The following MCM8 variants were observed in gnomAD, a reference collection of about 807,000 sequenced individuals.
MCM8 encodes the protein minichromosome maintenance 8 homologous recombination repair factor.
In MCM8, 85 loss-of-function variants were observed where a neutral mutation model predicts 98.9. The observed-to-expected ratio is 0.86, with a 90% CI of 0.72 to 1.03. MCM8 has a LOEUF of 1.03. Ranked by LOEUF, MCM8 falls within the 50% of genes least tolerant of loss-of-function variation. MCM8 has a pLI of 0.00. For synonymous variants in MCM8, 352 were observed against 338.6 expected (o/e 1.04, Z -0.44); for missense variants, 951 against 997.8 (o/e 0.95, Z 0.63).
intron 3 of MCM8, among the ~76,000 whole-genome samples, chr20:5,952,883 A>T (rs1473608637): frequency 6.6e-6 from 1 of 152,244 alleles, no homozygotes; most frequent in Non-Finnish European, 1.5e-5. Flanking sequence ...TTCTGAGGTT[A>T]CCAGAATGTG....
At position 5,983,152 on chromosome 20, in the gene MCM8, T is replaced by G; in HGVS notation, c.1720T>G (p.Ser574Ala). The G allele has an allele frequency of 6.2e-7, 1 of 1,611,000 alleles. No homozygotes were observed. The highest frequency in any genetic ancestry group is 8.5e-7 in the Non-Finnish European group (1 of 1,178,742). The change falls in exon 14 of 19, where the codon TCT becomes GCT. Residue 574 changes from serine to alanine, a missense_variant. Ser to Ala is a moderately conservative substitution (Grantham distance 99). Transcript: ENST00000610722. ...ACATTACAATAAAGCCAAAACAGTT[T>G]CTGAGAATTTAAAGTAAGTCTCTTC... ...GGHYNKAKTV[S>A]ENLKMGSALL...
chr20:5,986,924 C>G lies in MCM8; in HGVS notation c.2164-358C>G, dbSNP rs561016311. On this transcript the variant is annotated intron_variant, in intron 16 of 18. Transcript: ENST00000610722. ...TCATTGCAGCCTCTCCTCCCAGGCT[C>G]AAGGGATCCTCCCACCTCAGCTTCC... Among the ~76,000 whole-genome samples, 22 of 152,296 alleles carry G rather than the reference C, an allele frequency of 1.4e-4. No homozygotes were observed. In the South Asian group the frequency reaches 4.6e-3, roughly 32 times the overall value.
At position 5,950,886 on chromosome 20, in the gene MCM8, A is replaced by G. The variant is rs913572683; in HGVS notation, c.-143A>G. ...TTGGCAGGAGTCGCCTGAGGAGCTA[A>G]GATCCCGGAGACTCTTAGCCCCGTG... On this transcript the variant is annotated 5_prime_UTR_variant, in exon 1 of 19. Transcript: ENST00000610722. The G allele has an allele frequency of 1.3e-5, 2 of 149,250 alleles. No individual in the cohort carries two copies. Among genetic ancestry groups the G allele is most frequent in the Non-Finnish European group, 3.0e-5 (2 of 67,256 alleles). The allele number at this position is 149,250 out of a possible 1,614,324, so 9.2% of individuals were successfully genotyped here. A position where few individuals can be genotyped will look rare whatever the true frequency, so the allele number is the denominator to read the frequency against.
intron 16 of MCM8, among the ~76,000 whole-genome samples, chr20:5,986,388 G>T (rs2089736089): frequency 6.6e-6 from 1 of 152,154 alleles, no homozygotes; most frequent in Non-Finnish European, 1.5e-5. Context: ...TGACTCTTAG[G>T]AGACTCCTGG....
chr20:5,967,486 G>A lies in MCM8; in HGVS notation c.926G>A (p.Arg309Gln), dbSNP rs775072567. 1.2e-6 allele frequency: 2 copies of A among 1,614,000 alleles called. No homozygotes were observed. The highest frequency in any genetic ancestry group is 1.7e-5 in the Admixed American group (1 of 60,014). The change falls in exon 9 of 19, where the codon CGA becomes CAA. Residue 309 changes from arginine to glutamine, a missense_variant. Arg to Gln is a conservative substitution (Grantham distance 43). Coordinates refer to ENST00000610722, the MANE Select transcript of MCM8 (RefSeq NM_032485.6). Reference sequence around the variant, plus strand: ...CAGAGAGAAGCAGGTCGGATTCCACGAACAATAGAATGTGAGCTTGTTCAT... The same window carrying A: ...CAGAGAGAAGCAGGTCGGATTCCACAAACAATAGAATGTGAGCTTGTTCAT... ...DDQREAGRIPRTIECELVHDL... is the reference protein window; with the variant it reads ...DDQREAGRIPQTIECELVHDL...
chr20:5,955,239 G>A lies in MCM8; in HGVS notation c.474G>A (p.Leu158=), dbSNP rs776662370. 18 of 1,612,276 alleles carry A rather than the reference G, an allele frequency of 1.1e-5. No homozygotes were observed. Among genetic ancestry groups the A allele is most frequent in the Non-Finnish European group, 1.5e-5 (18 of 1,179,524 alleles). The change falls in exon 5 of 19, where the codon TTG becomes TTA. Residue 158 remains leucine (L), a synonymous_variant. Transcript: ENST00000610722. ...AGAAAACCTTGGCTTGCATGGGTTT[G>A]GCAATACATCAGGTAACTATTTGTC... ...APEKTLACMG[L]AIHQVLTKDL... is the part of the protein sequence containing the mutation.
intron 4 of MCM8, 31 bp from the exon 5 acceptor site, chr20:5,955,071 A>G (rs768197568): frequency 1.3e-6 from 2 of 1,495,396 alleles, no homozygotes; most frequent in Non-Finnish European, 1.8e-6. Context: ...CAGAAAAGCA[A>G]TTATTGTTTT....
chr20:5,970,864 C>T (rs781024329), intron 10 of MCM8, among the ~76,000 whole-genome samples: 19 of 152,074 alleles, frequency 1.2e-4, no homozygotes, highest in Non-Finnish European at 2.1e-4. Flanking sequence ...GCTGGATTGC[C>T]GTGGCACAAT....
intron 10 of MCM8, 44 bp downstream of exon 10, chr20:5,968,069 TG>T (rs1404693705): frequency 1.3e-6 from 2 of 1,540,202 alleles, no homozygotes; most frequent in East Asian, 2.3e-5. Context: ...AGATGCATGT[TG>T]GGGGTTCTCT....
chr20:5,994,855 G>T lies in MCM8; in HGVS notation c.*464G>T. ...GCCCAGGAGTTTGAGGTTACAGTGA[G>T]CCACAATCACACCAATCACTGCACT... On this transcript the variant is annotated 3_prime_UTR_variant, in exon 19 of 19. Coordinates refer to ENST00000610722, the MANE Select transcript of MCM8 (RefSeq NM_032485.6). 1 of 356,768 alleles carries T rather than the reference G, an allele frequency of 2.8e-6. No individual in the cohort carries two copies. The highest frequency in any genetic ancestry group is 5.6e-6 in the Non-Finnish European group (1 of 180,170). 22.1% of individuals were successfully genotyped at this position (356,768 alleles called of 1,614,324 possible).
intron 11 of MCM8, 33 bp from the exon 12 acceptor site, chr20:5,973,019 CCTTA>C (rs775646469): frequency 2.5e-6 from 4 of 1,609,066 alleles, no homozygotes; most frequent in Non-Finnish European, 3.4e-6. Context: ...TTTATGTTTT[CCTTA>C]CTTCTGTTTT....
chr20:5,980,873 CAA>C (rs36027696), intron 13 of MCM8, among the ~76,000 whole-genome samples: 2,382 of 87,880 alleles, frequency 0.027, 54 homozygotes, highest in African/African-American at 0.071. Flanking sequence ...CTCTGTCTCT[CAA>C]AAAAAAAAAA....
intron 16 of MCM8, among the ~76,000 whole-genome samples, chr20:5,986,383 C>T (rs1487578956): frequency 1.3e-5 from 2 of 152,176 alleles, no homozygotes; most frequent in Non-Finnish European, 2.9e-5. Context: ...TTGACTGACT[C>T]TTAGGAGACT....
At chr20:5,983,482 C>T (rs2089670632) in intron 14 of MCM8, among the ~76,000 whole-genome samples, 1 of 152,066 alleles carries the variant, frequency 6.6e-6, no homozygotes, top group African/African-American at 2.4e-5. Flanking sequence ...GGTGGATCAC[C>T]TGAAGTCAGG....
chr20:5,965,630 A>ACACTAT (rs1170493972), intron 8 of MCM8: 1 of 152,232 alleles, frequency 6.6e-6, no homozygotes, highest in Non-Finnish European at 1.5e-5. Flanking sequence ...CCTTAAATGA[A>ACACTAT]AATGACTCAA....
At chr20:5,977,531 G>A (rs975616792) in intron 12 of MCM8, among the ~76,000 whole-genome samples, 2 of 152,288 alleles carry the variant, frequency 1.3e-5, no homozygotes, top group East Asian at 1.9e-4. Flanking sequence ...AATTAAAATT[G>A]GTACTCATGT....
chr20:5,980,604 T>TA (rs961514797), intron 13 of MCM8, among the ~76,000 whole-genome samples: 7 of 152,094 alleles, frequency 4.6e-5, no homozygotes, highest in Non-Finnish European at 8.8e-5. Flanking sequence ...GGAGGTTTTT[T>TA]AAAAAAATTT....
chr20:5,977,779 G>T, intron 12 of MCM8, 97 bp from the exon 13 acceptor site: 1 of 1,297,612 alleles, frequency 7.7e-7, no homozygotes, highest in Non-Finnish European at 1.1e-6. Context: ...GCTCTTAAAA[G>T]AATACCTAGC....
intron 4 of MCM8, 33 bp from the exon 5 acceptor site, chr20:5,955,069 C>T (rs762660396): frequency 6.7e-7 from 1 of 1,481,858 alleles, no homozygotes; most frequent in South Asian, 1.2e-5. Context: ...TACAGAAAAG[C>T]AATTATTGTT....
Sources: allele counts gnomAD v4.1 joint callset (sites outside exome capture counted in the v4.1 genomes callset), GRCh38; gene constraint gnomAD v4.1.1; transcripts MANE v1.5; gene names NCBI Gene and HGNC (gene_info 2026-07-23, HGNC 2026-07-21).